AGBL1: variants seen among roughly 807,000 people sequenced by gnomAD.
AGBL1 encodes cytosolic carboxypeptidase 4.
A neutral mutation model predicts 118.9 loss-of-function variants in AGBL1; 130 were observed. The observed-to-expected ratio is 1.09, with a 90% CI of 0.95 to 1.26. The LOEUF (loss-of-function observed/expected upper bound fraction) is 1.26, where lower values mean the gene tolerates loss of function less well. Among genes scored for constraint, AGBL1 ranks in the 50% most tolerant of loss-of-function variants. The pLI is 0.00. For synonymous variants in AGBL1, 555 were observed against 478.9 expected, an observed-to-expected ratio of 1.16 and a Z score of -2.08; for missense variants, 1,584 against 1,298.1, an observed-to-expected ratio of 1.22 and a Z score of -3.38.
In AGBL1 at chr15:86,264,511, T is replaced by G; in HGVS notation, c.1340T>G (p.Leu447Arg). Residue 447 changes from leucine to arginine, a missense_variant, in exon 11 of 23, where the codon CTC becomes CGC. Physicochemically the swap from Leu to Arg is moderately radical, Grantham distance 102 (BLOSUM62 -2). Transcript: ENST00000614907. ...NLYQNVQSNS[L>R]RRDSSESEIP... ...TACCAAAATGTGCAATCCAATAGTC[T>G]CAGGAGAGATTCTTCTGAAAGTGAA... The G allele has an allele frequency of 6.2e-7, 1 of 1,614,018 alleles. No individual in the cohort carries two copies. The highest frequency in any genetic ancestry group is 1.1e-5 in the South Asian group (1 of 91,082).
intron 3 of AGBL1, among the ~76,000 whole-genome samples, chr15:86,144,410 C>G (rs566918288): frequency 6.1e-4 from 93 of 152,296 alleles, no homozygotes; most frequent in South Asian, 4.4e-3. Context: ...AAGACACGGA[C>G]TCAACCTAAA....
At chr15:86,578,660 C>A (rs1170634891) in intron 21 of AGBL1, among the ~76,000 whole-genome samples, 1 of 152,078 alleles carries the variant, frequency 6.6e-6, no homozygotes, top group African/African-American at 2.4e-5. Flanking sequence ...ATTGTGGGGG[C>A]AGGTTTTCCT....
At chr15:86,467,639 G>A (rs1043651103) in intron 18 of AGBL1, among the ~76,000 whole-genome samples, 44 of 152,340 alleles carry the variant, frequency 2.9e-4, no homozygotes, top group African/African-American at 8.9e-4. Flanking sequence ...TGAGGGTTGC[G>A]AAGACCATGG....
chr15:87,013,053 T>C (rs2081576801), intron 24 of AGBL1, among the ~76,000 whole-genome samples: 2 of 152,226 alleles, frequency 1.3e-5, no homozygotes, highest in Admixed American at 6.5e-5. Flanking sequence ...CTGTTAAGTA[T>C]TTTCTTGTAG....
At chr15:86,971,039 G>T (rs770379498) in intron 23 of AGBL1, among the ~76,000 whole-genome samples, 3 of 151,974 alleles carry the variant, frequency 2.0e-5, no homozygotes, top group Non-Finnish European at 2.9e-5. Context: ...TTATATAAGA[G>T]ATTTGTGCAT....
intron 21 of AGBL1, among the ~76,000 whole-genome samples, chr15:86,579,026 C>G (rs140948101): frequency 6.6e-6 from 1 of 152,064 alleles, no homozygotes; most frequent in African/African-American, 2.4e-5. Flanking sequence ...TATTGTTATA[C>G]CCAGCCTAGG....
chr15:86,153,704 C>T (rs1225876036), intron 3 of AGBL1, among the ~76,000 whole-genome samples: 2 of 152,128 alleles, frequency 1.3e-5, no homozygotes, highest in Non-Finnish European at 2.9e-5. Context: ...ATTTTCTTAA[C>T]AATGTCTTTT....
chr15:86,452,675 G>C (rs1026104983), intron 18 of AGBL1, among the ~76,000 whole-genome samples: 1 of 152,050 alleles, frequency 6.6e-6, no homozygotes, highest in Non-Finnish European at 1.5e-5. Flanking sequence ...ACTCAGTGAT[G>C]GTAAACACCA....
chr15:86,231,088 A>T (rs979754733), intron 6 of AGBL1, among the ~76,000 whole-genome samples: 1 of 152,212 alleles, frequency 6.6e-6, no homozygotes, highest in African/African-American at 2.4e-5. Context: ...CTGTTCATAG[A>T]ACCTTATGTT....
chr15:86,663,302 CTT>C (rs2085579819), intron 21 of AGBL1, among the ~76,000 whole-genome samples: 1 of 152,220 alleles, frequency 6.6e-6, no homozygotes, highest in African/African-American at 2.4e-5. Flanking sequence ...GGTCGTTGTC[CTT>C]TTCATTTGAG....
intron 21 of AGBL1, among the ~76,000 whole-genome samples, chr15:86,595,748 G>T (rs1325661467): frequency 2.0e-5 from 3 of 152,090 alleles, no homozygotes; most frequent in Non-Finnish European, 2.9e-5. Context: ...CGGAGTGATA[G>T]ATATGAGTTT....
In AGBL1 at chr15:86,554,405, G is replaced by A; in HGVS notation, c.2862G>A (p.Met954Ile). 1 of 1,588,096 alleles carries A rather than the reference G, an allele frequency of 6.3e-7. No homozygotes were observed. Among genetic ancestry groups the A allele is most frequent in the South Asian group, 1.2e-5 (1 of 86,754 alleles). Reference protein sequence around the residue: ...ILDKLAPAFTMSSCSFLVEKS... With the variant: ...ILDKLAPAFTISSCSFLVEKS... ...ATAAGCTAGCACCAGCATTCACAAT[G>A]AGCAGCTGCAGCTTTCTCGTGGAGA... is the stretch of plus-strand genomic sequence containing the variant. The change falls in exon 21 of 23, where the codon ATG becomes ATA. Residue 954 changes from methionine (M) to isoleucine (I), a missense_variant. Transcript: ENST00000614907.
intron 19 of AGBL1, among the ~76,000 whole-genome samples, chr15:86,535,097 C>G (rs1001433732): frequency 3.3e-5 from 5 of 152,114 alleles, no homozygotes; most frequent in Admixed American, 1.3e-4. Flanking sequence ...ACAAAGGGGG[C>G]TCCCTTAAAT....
chr15:86,789,395 T>C (rs1013073534), intron 22 of AGBL1, among the ~76,000 whole-genome samples: 2 of 152,208 alleles, frequency 1.3e-5, no homozygotes, highest in African/African-American at 2.4e-5. Flanking sequence ...TCACCGCAGC[T>C]TGTACTTTGG....
chr15:86,625,814 C>T (rs1194833904), intron 21 of AGBL1, among the ~76,000 whole-genome samples: 1 of 152,078 alleles, frequency 6.6e-6, no homozygotes, highest in Non-Finnish European at 1.5e-5. Flanking sequence ...ACCCTAGAGG[C>T]AGCTGAGAAT....
intron 17 of AGBL1, among the ~76,000 whole-genome samples, chr15:86,325,202 T>G (rs527825042): frequency 6.6e-6 from 1 of 152,136 alleles, no homozygotes; most frequent in South Asian, 2.1e-4. Context: ...TGTAATAGTG[T>G]GGACAAAAAA....
intron 22 of AGBL1, among the ~76,000 whole-genome samples, chr15:86,888,711 C>A (rs1488012757): frequency 3.9e-5 from 6 of 151,990 alleles, no homozygotes; most frequent in Non-Finnish European, 7.4e-5. Context: ...GTGCTTATGG[C>A]CTCAAGCTGC....
intron 22 of AGBL1, among the ~76,000 whole-genome samples, chr15:86,886,826 A>G (rs1447604705): frequency 6.6e-6 from 1 of 152,158 alleles, no homozygotes; most frequent in African/African-American, 2.4e-5. Flanking sequence ...TGAGAGATCA[A>G]GTTAATTCTA....
At chr15:86,258,713 AT>A (rs888576116) in intron 9 of AGBL1, among the ~76,000 whole-genome samples, 11 of 149,396 alleles carry the variant, frequency 7.4e-5, no homozygotes, top group South Asian at 2.1e-4. Flanking sequence ...GTTCCAAGAA[AT>A]TTTTTTTTTT....
Sources: allele counts gnomAD v4.1 joint callset (sites outside exome capture counted in the v4.1 genomes callset), GRCh38; gene constraint gnomAD v4.1.1; transcripts MANE v1.5; gene names NCBI Gene and HGNC (gene_info 2026-07-23, HGNC 2026-07-21).